The following SOCS2 variants were observed in gnomAD, a reference collection of about 807,000 sequenced individuals.
SOCS2 encodes CIS-2.
Under a neutral mutation model 18.6 loss-of-function variants are expected in SOCS2, and 10 were observed. That is an observed-to-expected ratio of 0.54 (90% confidence interval 0.33 to 0.91). The LOEUF (loss-of-function observed/expected upper bound fraction) is 0.91, where lower values mean the gene tolerates loss of function less well. Ranked by LOEUF, SOCS2 falls within the 40% of genes least tolerant of loss-of-function variation. The pLI is 0.02. For synonymous variants in SOCS2, 104 were observed against 104.0 expected, an observed-to-expected ratio of 1.00 and a Z score of 0.00; for missense variants, 231 against 247.2, an observed-to-expected ratio of 0.93 and a Z score of 0.44.
the SOCS2 span, among the ~76,000 whole-genome samples, chr12:93,622,563 G>A: frequency 1.3e-5 from 2 of 152,088 alleles, no homozygotes; most frequent in Non-Finnish European, 2.9e-5. Flanking sequence ...CCTTATAAAG[G>A]AAACCTTTAA....
chr12:93,614,627 C>A, the SOCS2 span, among the ~76,000 whole-genome samples: 254 of 89,706 alleles, frequency 2.8e-3, 18 homozygotes, highest in African/African-American at 0.013. Flanking sequence ...TTCTTTCTTT[C>A]TTTCTTTTGA....
chr12:93,570,841 A>T (rs971618837), upstream of SOCS2: 10 of 152,420 alleles, frequency 6.6e-5, no homozygotes, highest in African/African-American at 1.9e-4. Context: ...AAGCCTGTGT[A>T]TTGCGACCGA....
the SOCS2 span, among the ~76,000 whole-genome samples, chr12:93,606,047 A>G: frequency 1.3e-5 from 2 of 152,258 alleles, no homozygotes; most frequent in African/African-American, 2.4e-5. Context: ...ACGTGGGTCA[A>G]GGATCCAAGC....
the SOCS2 span, among the ~76,000 whole-genome samples, chr12:93,608,415 A>AG: frequency 1.3e-5 from 2 of 152,166 alleles, no homozygotes; most frequent in African/African-American, 4.8e-5. Flanking sequence ...GTGGCTCTAC[A>AG]GAGCACTGTT....
upstream of SOCS2, chr12:93,571,291 G>T (rs1270970519): frequency 6.6e-6 from 1 of 152,422 alleles, no homozygotes; most frequent in African/African-American, 2.4e-5. Flanking sequence ...GCGCGGCCGC[G>T]TGCGCCGGGG....
the SOCS2 span, among the ~76,000 whole-genome samples, chr12:93,599,161 T>C: frequency 0.035 from 5,120 of 147,546 alleles, 110 homozygotes; most frequent in Middle Eastern, 0.059. Context: ...TTTGCTGTTG[T>C]GCTGTTTGTC....
the SOCS2 span, among the ~76,000 whole-genome samples, chr12:93,595,971 A>G: frequency 6.6e-6 from 1 of 152,050 alleles, no homozygotes; most frequent in African/African-American, 2.4e-5. Flanking sequence ...AACAGTCATA[A>G]TTTTATTGAA....
the SOCS2 span, among the ~76,000 whole-genome samples, chr12:93,595,549 G>C: frequency 6.6e-6 from 1 of 152,212 alleles, no homozygotes; most frequent in Non-Finnish European, 1.5e-5. Flanking sequence ...CCAACTGAAA[G>C]TAGAGCCTGC....
the SOCS2 span, among the ~76,000 whole-genome samples, chr12:93,619,801 C>T: frequency 1.9e-3 from 290 of 152,334 alleles, 2 homozygotes; most frequent in African/African-American, 6.7e-3. Flanking sequence ...CCCTCCCATT[C>T]CTGCCTGGAA....
At chr12:93,606,066 T>G in the SOCS2 span, among the ~76,000 whole-genome samples, 2 of 152,202 alleles carry the variant, frequency 1.3e-5, no homozygotes, top group Admixed American at 1.3e-4. Context: ...GCTCCTCCTA[T>G]CTTGTTGCTC....
chr12:93,583,584 G>T (rs1240729069), downstream of SOCS2: 14 of 152,080 alleles, frequency 9.2e-5, no homozygotes, highest in African/African-American at 3.1e-4. Flanking sequence ...AAGGAGGAGG[G>T]TTGGGGTAAT....
the SOCS2 span, among the ~76,000 whole-genome samples, chr12:93,620,217 C>G: frequency 7.2e-5 from 11 of 151,956 alleles, no homozygotes; most frequent in Non-Finnish European, 1.5e-5. Context: ...GTATCATTTT[C>G]TCATTTAATA....
chr12:93,613,990 A>C, the SOCS2 span, among the ~76,000 whole-genome samples: 1 of 152,198 alleles, frequency 6.6e-6, no homozygotes, highest in Admixed American at 6.5e-5. Context: ...CTCATTTTGC[A>C]TGATGTTTGG....
upstream of SOCS2, chr12:93,571,095 T>A (rs985168760): frequency 1.1e-4 from 17 of 154,104 alleles, no homozygotes; most frequent in African/African-American, 4.1e-4. Flanking sequence ...GGGCTTCCCC[T>A]GAAGCATGAG....
chr12:93,596,500 C>G, the SOCS2 span, among the ~76,000 whole-genome samples: 429 of 152,260 alleles, frequency 2.8e-3, 3 homozygotes, highest in African/African-American at 0.01. Context: ...CCAAGAGACC[C>G]AGGCCCATGC....
chr12:93,577,784 C>T (rs975867594), downstream of SOCS2, among the ~76,000 whole-genome samples: 1 of 151,980 alleles, frequency 6.6e-6, no homozygotes, highest in Non-Finnish European at 1.5e-5. Flanking sequence ...TGCAGGTGGG[C>T]GGGGAGGGGG....
chr12:93,612,620 T>C, the SOCS2 span, among the ~76,000 whole-genome samples: 1 of 152,212 alleles, frequency 6.6e-6, no homozygotes, highest in Non-Finnish European at 1.5e-5. Context: ...GGAACCCAAC[T>C]TGTGCCATGG....
At chr12:93,579,615 A>G (rs2136709968), downstream of SOCS2, among the ~76,000 whole-genome samples, 1 of 152,212 alleles carries the variant, frequency 6.6e-6, no homozygotes, top group East Asian at 1.9e-4. Flanking sequence ...TCATTTCTTC[A>G]TATGCATGGT....
chr12:93,591,086 T>A, the SOCS2 span, among the ~76,000 whole-genome samples: 1 of 151,910 alleles, frequency 6.6e-6, no homozygotes, highest in Non-Finnish European at 1.5e-5. Flanking sequence ...TTTATTGAAA[T>A]ATAAATTTTA....
Sources: allele counts gnomAD v4.1 joint callset (sites outside exome capture counted in the v4.1 genomes callset), GRCh38; gene constraint gnomAD v4.1.1; transcripts MANE v1.5; gene names NCBI Gene and HGNC (gene_info 2026-07-23, HGNC 2026-07-21).